PICALM: variants seen among roughly 807,000 people sequenced by gnomAD.
PICALM encodes the protein phosphatidylinositol binding clathrin assembly protein.
In PICALM, 40 loss-of-function variants were observed where a neutral mutation model predicts 80.5. The observed-to-expected ratio is 0.50, with a 90% CI of 0.39 to 0.65. PICALM has a LOEUF of 0.65. Ranked by LOEUF, PICALM falls within the 30% of genes least tolerant of loss-of-function variation. The probability of loss-of-function intolerance (pLI) is 0.00; values close to 1 mark genes in which losing one functional copy is unlikely to be tolerated. For synonymous variants in PICALM, 288 were observed against 260.3 expected (o/e 1.11, Z -1.02); for missense variants, 676 against 778.9 (o/e 0.87, Z 1.57).
chr11:85,978,075 G>T, intron 17 of PICALM: 1 of 1,612,872 alleles, frequency 6.2e-7, no homozygotes, highest in Non-Finnish European at 8.5e-7. Flanking sequence ...CTTACGTATT[G>T]TGGAAAATGC....
intron 19 of PICALM, among the ~76,000 whole-genome samples, chr11:85,961,104 G>A (rs2093674318): frequency 1.3e-5 from 2 of 151,786 alleles, no homozygotes. Context: ...GGGGGGATAG[G>A]GGAGGGAATA....
intron 11 of PICALM, among the ~76,000 whole-genome samples, chr11:85,998,564 G>C (rs1183117837): frequency 6.6e-6 from 1 of 151,924 alleles, no homozygotes; most frequent in African/African-American, 2.4e-5. Context: ...AGGCTGAGGC[G>C]TGCGGACTGC....
At chr11:86,044,723 T>A (rs1192008118) in intron 1 of PICALM, among the ~76,000 whole-genome samples, 1 of 152,192 alleles carries the variant, frequency 6.6e-6, no homozygotes, top group Non-Finnish European at 1.5e-5. Flanking sequence ...CTAGGAAGCA[T>A]TACTGCCTGA....
chr11:85,999,124 A>T (rs1592732469), intron 11 of PICALM, among the ~76,000 whole-genome samples: 1 of 152,312 alleles, frequency 6.6e-6, no homozygotes, highest in East Asian at 1.9e-4. Context: ...ACTTTGATAT[A>T]GGTAATACAA....
intron 11 of PICALM, among the ~76,000 whole-genome samples, chr11:85,998,305 C>G (rs602391): frequency 0.82 from 123,223 of 150,488 alleles, 50,634 homozygotes; most frequent in African/African-American, 0.89. Context: ...TAGAGATGGG[C>G]TTTCACCGTG....
intron 1 of PICALM, among the ~76,000 whole-genome samples, chr11:86,037,023 G>A (rs1344946782): frequency 6.6e-6 from 1 of 150,894 alleles, no homozygotes; most frequent in Non-Finnish European, 1.5e-5. Flanking sequence ...TCGGCTCACT[G>A]CAACCTCCGC....
At chr11:85,987,671 A>G (rs1387932926) in intron 13 of PICALM, among the ~76,000 whole-genome samples, 3 of 152,226 alleles carry the variant, frequency 2.0e-5, no homozygotes, top group Non-Finnish European at 2.9e-5. Context: ...AGGGTCTTGC[A>G]TGTTGCCGAG....
chr11:86,000,501 C>T, intron 11 of PICALM, 142 bp downstream of exon 11: 1 of 586,254 alleles, frequency 1.7e-6, no homozygotes, highest in Non-Finnish European at 3.0e-6. Flanking sequence ...GGTATTATAC[C>T]AATATCACCA....
chr11:86,031,454 A>T lies in PICALM; in HGVS notation c.273+15T>A, dbSNP rs1252036051. 6.3e-7 allele frequency: 1 copy of T among 1,599,832 alleles called. No individual in the cohort carries two copies. The highest frequency in any genetic ancestry group is 8.5e-7 in the Non-Finnish European group (1 of 1,173,482). ...CAACACATCAGTATACTTGTTCAAT[A>T]AAAATTCTGCTTACCTCATTTCCAT... On this transcript the variant is annotated intron_variant, in intron 2 of 19. Transcript: ENST00000393346.
In PICALM at chr11:85,976,674, AG is replaced by A; in HGVS notation, c.1787del (p.Pro596LeufsTer2). ...TAWNAATMAP[P>X]VMAYPATTPT... ...GTGTAGTAGCAGGATAGGCCATTAC[AG>A]GGGGTGCCTAACATAGTGAAAGGAA... On this transcript the variant is annotated frameshift_variant, in exon 18 of 20. Transcript: ENST00000393346. LOFTEE classifies it high-confidence loss of function. The A allele has an allele frequency of 1.3e-6, 2 of 1,591,844 alleles. No homozygotes were observed. Among genetic ancestry groups the A allele is most frequent in the Non-Finnish European group, 1.7e-6 (2 of 1,159,976 alleles).
At chr11:85,961,187 A>G (rs1285157351) in intron 19 of PICALM, among the ~76,000 whole-genome samples, 1 of 152,214 alleles carries the variant, frequency 6.6e-6, no homozygotes, top group African/African-American at 2.4e-5. Flanking sequence ...AAAGCTGTGC[A>G]ACTCTGACCT....
intron 1 of PICALM, among the ~76,000 whole-genome samples, chr11:86,067,990 TA>T (rs2096469939): frequency 6.6e-6 from 1 of 152,070 alleles, no homozygotes; most frequent in African/African-American, 2.4e-5. Context: ...TAATCTGAAA[TA>T]AAAGTCGGGT....
At chr11:86,011,766 T>C (rs1346146376) in intron 6 of PICALM, among the ~76,000 whole-genome samples, 1 of 152,160 alleles carries the variant, frequency 6.6e-6, no homozygotes, top group African/African-American at 2.4e-5. Flanking sequence ...GAAAACAATA[T>C]TCTTCTGGGA....
intron 12 of PICALM, among the ~76,000 whole-genome samples, chr11:85,995,960 G>T (rs777993617): frequency 1.3e-5 from 2 of 151,968 alleles, no homozygotes; most frequent in Non-Finnish European, 2.9e-5. Flanking sequence ...TCAAGTTCAG[G>T]CTCACAAAAT....
chr11:86,022,492 A>C (rs2095581827), intron 3 of PICALM, 23 bp from the exon 4 acceptor site: 2 of 1,282,194 alleles, frequency 1.6e-6, no homozygotes, highest in Non-Finnish European at 2.1e-6. Flanking sequence ...AAAAACAAAA[A>C]CAAAACAAAG....
Position 86,054,881 on chromosome 11 carries a change from T to A in PICALM, c.130+13770A>T, listed in dbSNP as rs568713461. On this transcript the variant is annotated intron_variant, in intron 1 of 19. Transcript: ENST00000393346. ...TGAACTCCTGACCACAGGTTATCCATCCACCTTGGCCTCCCAAAGTGCTGG... is the reference window on the plus strand; with the variant it reads ...TGAACTCCTGACCACAGGTTATCCAACCACCTTGGCCTCCCAAAGTGCTGG... Among the ~76,000 whole-genome samples the A allele has an allele frequency of 1.2e-4, 18 of 151,976 alleles. No individual in the cohort carries two copies. In the South Asian group the frequency reaches 3.1e-3, roughly 26 times the overall value.
intron 2 of PICALM, among the ~76,000 whole-genome samples, chr11:86,029,589 T>G (rs1448543867): frequency 6.6e-6 from 1 of 152,246 alleles, no homozygotes; most frequent in Non-Finnish European, 1.5e-5. Context: ...ATTAACATTT[T>G]GCCTCTAGTA....
chr11:85,985,276 A>T (rs1193584853), intron 13 of PICALM, among the ~76,000 whole-genome samples: 2 of 152,194 alleles, frequency 1.3e-5, no homozygotes, highest in African/African-American at 4.8e-5. Context: ...GTAGGACAAG[A>T]TTTGGTGAGA....
intron 19 of PICALM, among the ~76,000 whole-genome samples, chr11:85,963,783 G>A (rs1044170338): frequency 1.3e-5 from 2 of 152,080 alleles, no homozygotes; most frequent in South Asian, 2.1e-4. Flanking sequence ...TATCAACAGT[G>A]TCTTGTTCTG....
Sources: gnomAD v4.1 joint callset for allele counts (sites outside exome capture counted in the v4.1 genomes callset) on GRCh38, gnomAD v4.1.1 for gene constraint, MANE v1.5 for transcripts, NCBI Gene and HGNC (gene_info 2026-07-23, HGNC 2026-07-21) for gene names.